The following LRWD1 variants were observed in gnomAD, a reference collection of about 807,000 sequenced individuals.
LRWD1 encodes leucine rich repeats and WD repeat domain containing 1.
LRWD1 carries 76 observed loss-of-function variants against 75.6 expected under a neutral mutation model. The ratio of observed to expected loss-of-function variants is 1.01; its 90% CI spans 0.84 to 1.22. The LOEUF (loss-of-function observed/expected upper bound fraction) is 1.22. Among genes scored for constraint, LRWD1 ranks in the 50% most tolerant of loss-of-function variants. LRWD1 has a pLI of 0.00. For synonymous variants in LRWD1, 487 were observed against 377.0 expected (o/e 1.29, Z -3.38); for missense variants, 917 against 862.0 (o/e 1.06, Z -0.80).
rs1798209589 is a variant in LRWD1, at chr7:102,472,085, C to G, written c.1443-133C>G. The G allele has an allele frequency of 1.9e-5, 15 of 800,606 alleles. No individual in the cohort carries two copies. The South Asian group carries it at 2.1e-4, about 11-fold the overall frequency. The allele number at this position is 800,606 out of a possible 1,614,324, so 49.6% of individuals were successfully genotyped here. A position where few individuals can be genotyped will look rare whatever the true frequency, so the allele number is the denominator to read the frequency against. ...AACCTTCCTGGGGCCAAGAATGTAT[C>G]TCTTTGGTGGCATCTTCTGTGCAGC... On this transcript the variant is annotated intron_variant, in intron 11 of 14. Transcript: ENST00000292616.
Position 102,467,421 on chromosome 7 carries a change from C to T in LRWD1, c.515C>T (p.Ser172Leu), listed in dbSNP as rs753130559. 24 of 1,613,626 alleles carry T rather than the reference C, an allele frequency of 1.5e-5. No homozygotes were observed. Among genetic ancestry groups the T allele is most frequent in the South Asian group, 4.4e-5 (4 of 91,072 alleles). The change falls in exon 4 of 15, where the codon TCG becomes TTG. Residue 172 changes from serine to leucine, a missense_variant. By Grantham distance (145) the Ser-to-Leu change is moderately radical. Coordinates refer to ENST00000292616, the MANE Select transcript of LRWD1 (RefSeq NM_152892.3). Reference protein sequence around the residue: ...AEKAQADFVKSAVRDVRYGPE... With the variant: ...AEKAQADFVKLAVRDVRYGPE... ...AAGGCCCAGGCGGACTTTGTGAAGT[C>T]GGCTGTCAGGGATGTCCGCTACGGG...
At chr7:102,469,312 G>A (rs1172993632) in intron 9 of LRWD1, among the ~76,000 whole-genome samples, 1 of 152,210 alleles carries the variant, frequency 6.6e-6, no homozygotes, top group East Asian at 1.9e-4. Flanking sequence ...GACCTGGGGG[G>A]ATGCCCCTGC....
rs1475749213 is a variant in LRWD1, at chr7:102,467,792, C to G, written c.647C>G (p.Pro216Arg). ...CAAAAGGCTAACAGCCCAGAGAAGC[C>G]CCCAGAAGCTGGAGCTGCCCACAAG... ...QVQKANSPEK[P>R]PEAGAAHKPR... Residue 216 changes from proline to arginine, a missense_variant, in exon 5 of 15, where the codon CCC (proline) becomes CGC (arginine). Physicochemically the swap from Pro to Arg is moderately radical, Grantham distance 103. Coordinates refer to ENST00000292616, the MANE Select transcript of LRWD1 (RefSeq NM_152892.3). 6.4e-7 allele frequency: 1 copy of G among 1,551,020 alleles called. No homozygotes were observed. The highest frequency in any genetic ancestry group is 8.7e-7 in the Non-Finnish European group (1 of 1,147,200).
Position 102,473,016 on chromosome 7 carries a change from C to CTCCAACATCGTAGCCA in LRWD1, c.1914_1929dup (p.Trp644GlnfsTer?). On this transcript the variant is annotated frameshift_variant, in exon 15 of 15. Transcript: ENST00000292616. LOFTEE classifies it high-confidence loss of function. ...TCACCTACCTCACCGCCCTGACGGA[C>CTCCAACATCGTAGCCA]TCCAACATCGTAGCCATCTGGGGGA... 1 of 1,614,012 alleles carries CTCCAACATCGTAGCCA rather than the reference C, an allele frequency of 6.2e-7. No homozygotes were observed. Among genetic ancestry groups the CTCCAACATCGTAGCCA allele is most frequent in the Non-Finnish European group, 8.5e-7 (1 of 1,179,962 alleles).
In LRWD1 at chr7:102,473,120, G is replaced by T. The variant is rs1251744387; in HGVS notation, c.*71G>T. 6.4e-5 allele frequency: 95 copies of T among 1,473,064 alleles called. No individual in the cohort carries two copies. In the South Asian group the frequency reaches 1.1e-3, roughly 17 times the overall value. The allele number at this position is 1,473,064 out of a possible 1,614,324, so 91.2% of individuals were successfully genotyped here. A position where few individuals can be genotyped will look rare whatever the true frequency, so the allele number is the denominator to read the frequency against. ...TCAGCTTTGGGCCGATGGGGGTGGG[G>T]GGGGGTCTTTCAGTGAATATTTTTA... On this transcript the variant is annotated 3_prime_UTR_variant, in exon 15 of 15. Coordinates refer to ENST00000292616, the MANE Select transcript of LRWD1 (RefSeq NM_152892.3).
intron 11 of LRWD1, chr7:102,471,942 A>T: frequency 4.6e-6 from 2 of 433,974 alleles, no homozygotes; most frequent in Non-Finnish European, 4.3e-6. Context: ...GGCTCGCTTC[A>T]GAGCCTTATC....
chr7:102,472,931 G>T lies in LRWD1; in HGVS notation c.1826G>T (p.Trp609Leu), dbSNP rs1586746322. The T allele has an allele frequency of 6.2e-7, 1 of 1,613,956 alleles. No homozygotes were observed. The highest frequency in any genetic ancestry group is 2.2e-5 in the East Asian group (1 of 44,876). The change falls in exon 15 of 15, where the codon TGG (tryptophan) becomes TTG (leucine). Residue 609 changes from tryptophan to leucine, a missense_variant. By Grantham distance (61) the Trp-to-Leu change is moderately conservative. Transcript: ENST00000292616. ...CAGATCCTGAAGTGGCCCCAGCCCT[G>T]GGCCCTTGGCCAGGTGGTGACCAAG... is the stretch of plus-strand genomic sequence containing the variant. ...PTQILKWPQPWALGQVVTKTM... is the reference protein window; with the variant it reads ...PTQILKWPQPLALGQVVTKTM...
chr7:102,470,097 C>T (rs1798141123), intron 11 of LRWD1: 1 of 574,936 alleles, frequency 1.7e-6, no homozygotes, highest in African/African-American at 1.9e-5. Context: ...TGGGACTGGG[C>T]CATGATGACC....
chr7:102,468,271 G>GAA lies in LRWD1; in HGVS notation c.814_815dup (p.Leu273SerfsTer52). 1.2e-6 allele frequency: 2 copies of GAA among 1,608,412 alleles called. No homozygotes were observed. The highest frequency in any genetic ancestry group is 1.7e-6 in the Non-Finnish European group (2 of 1,177,964). On this transcript the variant is annotated frameshift_variant, in exon 7 of 15. Transcript: ENST00000292616. LOFTEE classifies it high-confidence loss of function. The stretch of plus-strand genomic sequence containing the variant: ...CTTCTCTCCCCCCACAGCCTGCTGT[G>GAA]AAGCTGGAGCCCCTGCACTTCCTGC...
intron 5 of LRWD1, 70 bp from the exon 6 acceptor site, chr7:102,467,992 G>A (rs1242658405): frequency 5.7e-6 from 9 of 1,572,834 alleles, no homozygotes; most frequent in African/African-American, 1.3e-5. Flanking sequence ...GTGAGGTGGG[G>A]TCCAGCCTGT....
chr7:102,469,895 AG>A lies in LRWD1; in HGVS notation c.1442+18del. The A allele has an allele frequency of 2.6e-6, 4 of 1,517,816 alleles. No homozygotes were observed. The allele number at this position is 1,517,816 out of a possible 1,614,324, so 94.0% of individuals were successfully genotyped here. ...CCCAAAAGAGGAGGTGAGGCTGGGC[AG>A]GGGGCGCCTTGGAAGCCAGGCCTCT... is the stretch of plus-strand genomic sequence containing the variant. On this transcript the variant is annotated intron_variant, in intron 11 of 14. Coordinates refer to ENST00000292616, the MANE Select transcript of LRWD1 (RefSeq NM_152892.3).
intron 9 of LRWD1, 41 bp from the exon 10 acceptor site, chr7:102,469,533 C>T: frequency 6.2e-7 from 1 of 1,609,256 alleles, no homozygotes; most frequent in Non-Finnish European, 8.5e-7. Flanking sequence ...GGAGCAGGGT[C>T]ATCTCAGGGC....
At chr7:102,468,518 C>G (rs1026941501) in intron 7 of LRWD1, 36 bp from the exon 8 acceptor site, 1 of 1,552,658 alleles carries the variant, frequency 6.4e-7, no homozygotes, top group Non-Finnish European at 8.7e-7. Flanking sequence ...TGGGAAATGT[C>G]TCTGCTCATC....
intron 11 of LRWD1, 186 bp downstream of exon 11, chr7:102,470,068 C>T (rs747872604): frequency 1.8e-4 from 135 of 738,624 alleles, no homozygotes; most frequent in Non-Finnish European, 2.5e-4. Flanking sequence ...TGACCCTGCT[C>T]TCACCCTGGG....
At position 102,465,488 on chromosome 7, in the gene LRWD1, GCTTTTTTTTTTTTTTTTT is replaced by G. The variant is rs1326339572; in HGVS notation, c.81-328_81-311del. 1.4e-4 allele frequency: 15 copies of G among 108,030 alleles called. 2 individuals are homozygous for G. Among genetic ancestry groups the G allele is most frequent in the East Asian group, 7.2e-4 (2 of 2,794 alleles). 6.7% of individuals were successfully genotyped at this position (108,030 alleles called of 1,614,324 possible). ...GCCCCCGAGTCCTAAAGTAGTTGCA[GCTTTTTTTTTTTTTTTTT>G]TTTTTTTTTTTTTTTTTTTGTTAAG... On this transcript the variant is annotated intron_variant, in intron 1 of 14. Coordinates refer to ENST00000292616, the MANE Select transcript of LRWD1 (RefSeq NM_152892.3).
intron 3 of LRWD1, 125 bp from the exon 4 acceptor site, chr7:102,467,207 TGTGTGTG>T: frequency 1.3e-6 from 1 of 757,612 alleles, no homozygotes. Context: ...TGTGTGTGTG[TGTGTGTG>T]TTTTATGAGG....
chr7:102,473,126 T>A lies in LRWD1; in HGVS notation c.*77T>A. 181 of 1,208,166 alleles carry A rather than the reference T, an allele frequency of 1.5e-4. No individual in the cohort carries two copies. The highest frequency in any genetic ancestry group is 2.0e-4 in the Middle Eastern group (1 of 4,894). The allele number at this position is 1,208,166 out of a possible 1,614,324, so 74.8% of individuals were successfully genotyped here. A position where few individuals can be genotyped will look rare whatever the true frequency, so the allele number is the denominator to read the frequency against. Reference sequence around the variant, plus strand: ...TTGGGCCGATGGGGGTGGGGGGGGGTCTTTCAGTGAATATTTTTATTAAAC... The same window carrying A: ...TTGGGCCGATGGGGGTGGGGGGGGGACTTTCAGTGAATATTTTTATTAAAC... On this transcript the variant is annotated 3_prime_UTR_variant, in exon 15 of 15. Coordinates refer to ENST00000292616, the MANE Select transcript of LRWD1 (RefSeq NM_152892.3).
intron 3 of LRWD1, among the ~76,000 whole-genome samples, 169 bp from the exon 4 acceptor site, chr7:102,467,168 TGG>T (rs1157897255): frequency 2.2e-4 from 4 of 18,508 alleles, no homozygotes; most frequent in African/African-American, 6.9e-4. Flanking sequence ...GGGGTGTGTG[TGG>T]GGTGTGTGTG....
At chr7:102,470,172 A>G in intron 11 of LRWD1, 2 of 391,180 alleles carry the variant, frequency 5.1e-6, no homozygotes, top group Non-Finnish European at 9.1e-6. Flanking sequence ...CCTGCCACTC[A>G]TCAGCAGTGT....
Sources: allele counts gnomAD v4.1 joint callset (sites outside exome capture counted in the v4.1 genomes callset), GRCh38; gene constraint gnomAD v4.1.1; transcripts MANE v1.5; gene names NCBI Gene and HGNC (gene_info 2026-07-23, HGNC 2026-07-21).